Variants in ST18 observed in about 807,000 individuals in gnomAD.
ST18 encodes the protein suppression of tumorigenicity 18 protein.
In ST18, 50 loss-of-function variants were observed where a neutral mutation model predicts 110.0. The observed-to-expected ratio is 0.45, with a 90% CI of 0.36 to 0.58. The LOEUF (loss-of-function observed/expected upper bound fraction) is 0.58. Ranked by LOEUF, ST18 falls within the 20% of genes least tolerant of loss-of-function variation. The pLI is 0.00. For synonymous variants in ST18, 461 were observed against 452.4 expected (o/e 1.02, Z -0.24); for missense variants, 1,306 against 1,280.1 (o/e 1.02, Z -0.31).
At chr8:52,339,424 C>T (rs35988073) in intron 2 of ST18, among the ~76,000 whole-genome samples, 13,305 of 152,304 alleles carry the variant, frequency 0.087, 823 homozygotes, top group Non-Finnish European at 0.14. Context: ...CTGTACCACA[C>T]GACAAAACCT....
chr8:52,140,075 A>G (rs937244686), intron 17 of ST18, among the ~76,000 whole-genome samples: 3 of 152,250 alleles, frequency 2.0e-5, no homozygotes, highest in African/African-American at 7.2e-5. Context: ...CCTAATCTAG[A>G]CAAAGTTTTT....
chr8:52,326,349 C>T (rs1353944460), intron 2 of ST18, among the ~76,000 whole-genome samples: 2 of 152,122 alleles, frequency 1.3e-5, no homozygotes, highest in Non-Finnish European at 2.9e-5. Flanking sequence ...ATGCTAAAAA[C>T]AAGACTTTTC....
At chr8:52,310,751 G>C (rs1006030853) in intron 2 of ST18, among the ~76,000 whole-genome samples, 4 of 152,172 alleles carry the variant, frequency 2.6e-5, no homozygotes, top group African/African-American at 9.7e-5. Flanking sequence ...TAACCAGAGA[G>C]AGGCGGTTGT....
At chr8:52,356,655 G>C (rs1470902058) in intron 2 of ST18, among the ~76,000 whole-genome samples, 3 of 152,154 alleles carry the variant, frequency 2.0e-5, no homozygotes, top group African/African-American at 4.8e-5. Context: ...CCTGAACATT[G>C]ATTGGACTTA....
At chr8:52,290,922 A>G (rs2095546317) in intron 2 of ST18, among the ~76,000 whole-genome samples, 1 of 152,142 alleles carries the variant, frequency 6.6e-6, no homozygotes, top group Non-Finnish European at 1.5e-5. Context: ...CCCGGTGAAC[A>G]CCGTGTTGCA....
intron 15 of ST18, among the ~76,000 whole-genome samples, chr8:52,153,051 T>C (rs558523855): frequency 6.6e-6 from 1 of 152,380 alleles, no homozygotes; most frequent in Admixed American, 6.5e-5. Flanking sequence ...GATCCTTGTA[T>C]GTAGAAGGTA....
chr8:52,137,352 G>T, intron 18 of ST18, 69 bp downstream of exon 18: 2 of 1,521,246 alleles, frequency 1.3e-6, no homozygotes, highest in East Asian at 2.3e-5. Context: ...TGGATAGAAA[G>T]GGTGAGAATA....
intron 2 of ST18, among the ~76,000 whole-genome samples, chr8:52,366,143 G>A (rs980422291): frequency 2.6e-5 from 4 of 152,156 alleles, no homozygotes; most frequent in South Asian, 4.2e-4. Context: ...TTGAACCCAG[G>A]AACGCAGTCT....
At chr8:52,186,271 G>T (rs1030336414) in intron 8 of ST18, among the ~76,000 whole-genome samples, 2 of 152,124 alleles carry the variant, frequency 1.3e-5, no homozygotes, top group Non-Finnish European at 2.9e-5. Context: ...CAAAGTACAC[G>T]GGCAGTCACT....
intron 2 of ST18, among the ~76,000 whole-genome samples, chr8:52,310,920 T>C (rs914823266): frequency 2.6e-5 from 4 of 152,168 alleles, no homozygotes; most frequent in Admixed American, 6.5e-5. Flanking sequence ...TGGGAAGCTG[T>C]GGCAGCAGTC....
At chr8:52,115,908 C>T (rs1404063318) in intron 25 of ST18, among the ~76,000 whole-genome samples, 3 of 151,884 alleles carry the variant, frequency 2.0e-5, no homozygotes, top group African/African-American at 4.8e-5. Context: ...CTGATTTGGG[C>T]GGATGATGCA....
At chr8:52,137,508 T>C in intron 17 of ST18, 25 bp from the exon 18 acceptor site, 1 of 1,612,838 alleles carries the variant, frequency 6.2e-7, no homozygotes, top group Non-Finnish European at 8.5e-7. Flanking sequence ...AATACATCAT[T>C]AGAGTCAAGC....
At chr8:52,189,490 T>C (rs539731251) in intron 8 of ST18, among the ~76,000 whole-genome samples, 1 of 152,264 alleles carries the variant, frequency 6.6e-6, no homozygotes, top group Non-Finnish European at 1.5e-5. Context: ...AGGAAACCCA[T>C]CCCAATGAAA....
chr8:52,289,860 G>A (rs1215393611), intron 2 of ST18, among the ~76,000 whole-genome samples: 2 of 152,046 alleles, frequency 1.3e-5, no homozygotes, highest in Non-Finnish European at 1.5e-5. Context: ...GTTGCTACTC[G>A]GTGCTAGGCT....
At chr8:52,175,450 T>A (rs1418414868) in intron 9 of ST18, among the ~76,000 whole-genome samples, 1 of 152,148 alleles carries the variant, frequency 6.6e-6, no homozygotes, top group Non-Finnish European at 1.5e-5. Context: ...TATGAGTGAG[T>A]GCACGATATG....
At chr8:52,190,891 A>T (rs985352176) in intron 8 of ST18, among the ~76,000 whole-genome samples, 1 of 152,196 alleles carries the variant, frequency 6.6e-6, no homozygotes, top group African/African-American at 2.4e-5. Context: ...GGCACACCAT[A>T]TCGGTGAAGT....
chr8:52,164,737 C>A (rs1182143606), intron 12 of ST18, among the ~76,000 whole-genome samples: 1 of 152,152 alleles, frequency 6.6e-6, no homozygotes, highest in Non-Finnish European at 1.5e-5. Flanking sequence ...ACCATTGAAG[C>A]CCTGTTGGTA....
intron 15 of ST18, among the ~76,000 whole-genome samples, chr8:52,156,200 G>T (rs2059974847): frequency 6.6e-6 from 1 of 152,206 alleles, no homozygotes; most frequent in South Asian, 2.1e-4. Context: ...CTCCTCAAGG[G>T]CAAAGTCTAT....
chr8:52,234,397 T>G (rs976348047), intron 2 of ST18, among the ~76,000 whole-genome samples: 2 of 152,138 alleles, frequency 1.3e-5, no homozygotes, highest in African/African-American at 4.8e-5. Flanking sequence ...CCTGGGTAGC[T>G]GGGATGACAG....
Sources: gnomAD v4.1 joint callset for allele counts (sites outside exome capture counted in the v4.1 genomes callset) on GRCh38, gnomAD v4.1.1 for gene constraint, MANE v1.5 for transcripts, NCBI Gene and HGNC (gene_info 2026-07-23, HGNC 2026-07-21) for gene names.